The following SV2C variants were observed in gnomAD, a reference collection of about 807,000 sequenced individuals.
SV2C encodes the protein synaptic vesicle glycoprotein 2C, also known as solute carrier family 22 member B3.
In SV2C, 49 loss-of-function variants were observed where a neutral mutation model predicts 79.7. The ratio of observed to expected loss-of-function variants is 0.61; its 90% CI spans 0.49 to 0.78. SV2C has a LOEUF of 0.78. SV2C is among the 30% of genes least tolerant of loss of function. The pLI is 0.00. For synonymous variants in SV2C, 334 were observed against 333.2 expected (o/e 1.00, Z -0.03); for missense variants, 833 against 912.9 (o/e 0.91, Z 1.13).
the SV2C span, among the ~76,000 whole-genome samples, chr5:75,879,660 GC>G: frequency 1.7e-4 from 26 of 152,220 alleles, no homozygotes; most frequent in African/African-American, 5.8e-4. Context: ...AGTGCCTGCA[GC>G]TTTTCTAGGC....
chr5:76,144,293 A>T lies in SV2C; in HGVS notation c.580+11963A>T, dbSNP rs151188977. 3.6e-3 allele frequency among the ~76,000 whole-genome samples: 550 copies of T among 152,218 alleles called. 8 individuals carry two copies. In the South Asian group the frequency reaches 0.041, roughly 11 times the overall value. ...GAAACAGTGAAGCTGACAGCTGAGA[A>T]ACTGCTGAAAACCCTAACGAAAGCA... On this transcript the variant is annotated intron_variant, in intron 2 of 12. Coordinates refer to ENST00000502798, the MANE Select transcript of SV2C (RefSeq NM_014979.4).
the SV2C span, among the ~76,000 whole-genome samples, chr5:75,932,207 G>A: frequency 4.7e-4 from 71 of 152,288 alleles, no homozygotes; most frequent in Admixed American, 1.2e-3. Flanking sequence ...TTCCCGGGGA[G>A]CCCTACATCC....
chr5:76,219,419 T>C lies in SV2C; in HGVS notation c.913+9532T>C, dbSNP rs535467570. On this transcript the variant is annotated intron_variant, in intron 4 of 12. Coordinates refer to ENST00000502798, the MANE Select transcript of SV2C (RefSeq NM_014979.4). ...GCATCAGTCAAATAAACATTGATGA[T>C]ATAGTCTTTAAGGGCTTAAAAAGTA... Among the ~76,000 whole-genome samples, 67 of 152,352 alleles carry C rather than the reference T, an allele frequency of 4.4e-4. No individual in the cohort carries two copies. In the South Asian group the frequency reaches 0.014, roughly 32 times the overall value.
chr5:76,235,420 G>A (rs1431396894), intron 4 of SV2C, among the ~76,000 whole-genome samples: 2 of 152,268 alleles, frequency 1.3e-5, no homozygotes, highest in East Asian at 1.9e-4. Flanking sequence ...TTTATCAGTG[G>A]TGAAAGAAAA....
chr5:76,008,803 C>T, the SV2C span, among the ~76,000 whole-genome samples: 2 of 152,268 alleles, frequency 1.3e-5, no homozygotes, highest in Non-Finnish European at 2.9e-5. Flanking sequence ...TCTCATCTCA[C>T]TCAGAGTAAA....
At chr5:76,135,430 G>A (rs1405952061) in intron 2 of SV2C, among the ~76,000 whole-genome samples, 1 of 152,102 alleles carries the variant, frequency 6.6e-6, no homozygotes, top group Non-Finnish European at 1.5e-5. Flanking sequence ...TGGGGCTGGT[G>A]GTGGAGGAGG....
the SV2C span, among the ~76,000 whole-genome samples, chr5:75,980,710 C>G: frequency 6.6e-6 from 1 of 151,972 alleles, no homozygotes; most frequent in Non-Finnish European, 1.5e-5. Flanking sequence ...AGGAACATAC[C>G]TCAAAATAAT....
At chr5:75,915,508 A>C in the SV2C span, among the ~76,000 whole-genome samples, 1 of 152,228 alleles carries the variant, frequency 6.6e-6, no homozygotes, top group Non-Finnish European at 1.5e-5. Flanking sequence ...ACTTCATTGC[A>C]CTTAAAGAGG....
At chr5:76,335,565 GC>G (rs1397062262), downstream of SV2C, among the ~76,000 whole-genome samples, 13 of 152,072 alleles carry the variant, frequency 8.5e-5, no homozygotes, top group Non-Finnish European at 1.3e-4. Flanking sequence ...AGAGGACCCT[GC>G]GGCCCTCCGC....
At chr5:76,231,456 C>T (rs1402049928) in intron 4 of SV2C, among the ~76,000 whole-genome samples, 7 of 151,564 alleles carry the variant, frequency 4.6e-5, no homozygotes, top group Non-Finnish European at 1.0e-4. Context: ...TTTTATTATA[C>T]TTTAAGTTTT....
At chr5:76,037,268 C>T in the SV2C span, among the ~76,000 whole-genome samples, 2 of 152,234 alleles carry the variant, frequency 1.3e-5, no homozygotes, top group African/African-American at 4.8e-5. Flanking sequence ...CTATGTACAG[C>T]TTTGTTCCGT....
chr5:75,884,831 A>C, the SV2C span, among the ~76,000 whole-genome samples: 1 of 152,070 alleles, frequency 6.6e-6, no homozygotes, highest in African/African-American at 2.4e-5. Context: ...AAAATAGAAA[A>C]AGAAAAAACC....
intron 1 of SV2C, among the ~76,000 whole-genome samples, chr5:76,092,089 G>T (rs1309860250): frequency 6.6e-6 from 1 of 152,088 alleles, no homozygotes; most frequent in African/African-American, 2.4e-5. Flanking sequence ...ATATTTAGTA[G>T]AACCGATATA....
the SV2C span, among the ~76,000 whole-genome samples, chr5:75,901,892 C>G: frequency 6.6e-6 from 1 of 152,218 alleles, no homozygotes; most frequent in Non-Finnish European, 1.5e-5. Flanking sequence ...CCTTCCAAGC[C>G]AGGTGCGGGA....
chr5:76,037,829 G>A, the SV2C span, among the ~76,000 whole-genome samples: 6 of 152,338 alleles, frequency 3.9e-5, 1 homozygote, highest in Middle Eastern at 0.017. Flanking sequence ...AATGTCGGGC[G>A]CCCCTCCCCC....
the SV2C span, among the ~76,000 whole-genome samples, chr5:75,972,423 A>G: frequency 3.6e-4 from 55 of 152,170 alleles, 1 homozygote; most frequent in Admixed American, 3.2e-3. Flanking sequence ...TTTGCAACCT[A>G]CTCATCTGAC....
At chr5:76,080,362 T>C (rs1746966310), upstream of SV2C, among the ~76,000 whole-genome samples, 1 of 152,204 alleles carries the variant, frequency 6.6e-6, no homozygotes, top group African/African-American at 2.4e-5. Context: ...GAGAGCTGTG[T>C]GGACTTGGTC....
chr5:75,915,795 G>T, the SV2C span, among the ~76,000 whole-genome samples: 1 of 152,204 alleles, frequency 6.6e-6, no homozygotes, highest in Non-Finnish European at 1.5e-5. Context: ...TTAAGGCCAG[G>T]AATGTGGTCA....
chr5:75,889,050 GTTATA>G, the SV2C span, among the ~76,000 whole-genome samples: 1 of 151,936 alleles, frequency 6.6e-6, no homozygotes, highest in African/African-American at 2.4e-5. Context: ...AAGGACCCAA[GTTATA>G]TTAAGTTAGT....
Sources: gnomAD v4.1 joint callset for allele counts (sites outside exome capture counted in the v4.1 genomes callset) on GRCh38, gnomAD v4.1.1 for gene constraint, MANE v1.5 for transcripts, NCBI Gene and HGNC (gene_info 2026-07-23, HGNC 2026-07-21) for gene names.